RPA1: variants seen among roughly 807,000 people sequenced by gnomAD.
The protein encoded by RPA1 is replication protein A 70 kDa DNA-binding subunit.
RPA1 carries 49 observed loss-of-function variants against 83.0 expected under a neutral mutation model. That is an observed-to-expected ratio of 0.59 (90% CI 0.47 to 0.75). The LOEUF (loss-of-function observed/expected upper bound fraction) is 0.75, where lower values mean the gene tolerates loss of function less well. Among genes scored for constraint, RPA1 ranks in the 30% least tolerant of loss-of-function variants. The pLI is 0.00. For synonymous variants in RPA1, 279 were observed against 281.8 expected, an observed-to-expected ratio of 0.99 and a Z score of 0.10; for missense variants, 693 against 776.1, an observed-to-expected ratio of 0.89 and a Z score of 1.27.
intron 7 of RPA1, 130 bp downstream of exon 7, chr17:1,875,923 T>TTA: frequency 6.7e-6 from 1 of 149,274 alleles, no homozygotes. Flanking sequence ...GGGTTTACTC[T>TTA]TTTTTTTTTT....
intron 13 of RPA1, among the ~76,000 whole-genome samples, chr17:1,887,894 A>C (rs111674153): frequency 1.3e-5 from 2 of 152,204 alleles, no homozygotes; most frequent in Non-Finnish European, 2.9e-5. Context: ...CTCTGTCTCA[A>C]AAAATACATA....
intron 14 of RPA1, among the ~76,000 whole-genome samples, chr17:1,889,687 G>A (rs1422186805): frequency 2.6e-5 from 4 of 151,996 alleles, no homozygotes; most frequent in Non-Finnish European, 2.9e-5. Flanking sequence ...ATAGAACTAG[G>A]CGATAATAGC....
intron 11 of RPA1, among the ~76,000 whole-genome samples, chr17:1,880,136 T>A (rs1390494460): frequency 7.3e-6 from 1 of 136,414 alleles, no homozygotes. Context: ...GAGGAGCTCC[T>A]GGGGTTGGCG....
At chr17:1,837,740 T>C (rs1243079395) in intron 1 of RPA1, among the ~76,000 whole-genome samples, 1 of 152,224 alleles carries the variant, frequency 6.6e-6, no homozygotes, top group African/African-American at 2.4e-5. Context: ...GAAGTGTCTG[T>C]TCACATCTTT....
intron 7 of RPA1, among the ~76,000 whole-genome samples, 183 bp from the exon 8 acceptor site, chr17:1,877,029 C>G (rs979206539): frequency 2.6e-5 from 4 of 152,278 alleles, no homozygotes; most frequent in African/African-American, 9.6e-5. Flanking sequence ...GCATGTTTTA[C>G]TATTTGCTTA....
Position 1,898,384 on chromosome 17 carries a change from G to GT in RPA1, c.*1210dup. ...CAGACAGTGAGCTGGTAAGAAAACA[G>GT]TAATTATGCTAGTGGGCCTTTCAGT... On this transcript the variant is annotated 3_prime_UTR_variant, in exon 17 of 17. Coordinates refer to ENST00000254719, the MANE Select transcript of RPA1 (RefSeq NM_002945.5). 1 of 152,390 alleles carries GT rather than the reference G, an allele frequency of 6.6e-6. No homozygotes were observed. 9.4% of individuals were successfully genotyped at this position (152,390 alleles called of 1,614,324 possible).
At chr17:1,859,866 G>T (rs1912874523) in intron 5 of RPA1, among the ~76,000 whole-genome samples, 1 of 152,156 alleles carries the variant, frequency 6.6e-6, no homozygotes, top group Non-Finnish European at 1.5e-5. Flanking sequence ...AGGCTGGAGT[G>T]CAGTGGCGTG....
intron 1 of RPA1, 33 bp downstream of exon 1, chr17:1,830,159 C>A: frequency 9.4e-7 from 1 of 1,069,066 alleles, no homozygotes. Flanking sequence ...GCCGGCGGTC[C>A]GGGGTGGCTG....
At chr17:1,846,528 G>A (rs111366483) in intron 4 of RPA1, among the ~76,000 whole-genome samples, 1 of 151,834 alleles carries the variant, frequency 6.6e-6, no homozygotes, top group Non-Finnish European at 1.5e-5. Flanking sequence ...CACCATGTTA[G>A]CCAGGATGGT....
chr17:1,877,304 T>C lies in RPA1; in HGVS notation c.680T>C (p.Val227Ala), dbSNP rs570041689. 5.6e-6 allele frequency: 9 copies of C among 1,614,006 alleles called. No homozygotes were observed. Among genetic ancestry groups the C allele is most frequent in the South Asian group, 3.3e-5 (3 of 91,066 alleles). The change falls in exon 8 of 17, where the codon GTT (valine) becomes GCT (alanine). Residue 227 changes from valine (V) to alanine (A), a missense_variant. Coordinates refer to ENST00000254719, the MANE Select transcript of RPA1 (RefSeq NM_002945.5). ...GGGAAGCTTTTCTCCCTAGAACTGGTTGACGAAAGTGTGAGTGTTTGTCAT... is the reference window on the plus strand; with the variant it reads ...GGGAAGCTTTTCTCCCTAGAACTGGCTGACGAAAGTGTGAGTGTTTGTCAT... ...GEGKLFSLEL[V>A]DESGEIRATA...
intron 5 of RPA1, among the ~76,000 whole-genome samples, chr17:1,868,083 C>T (rs1913245881): frequency 6.6e-6 from 1 of 151,288 alleles, no homozygotes. Flanking sequence ...TACCCTGTCT[C>T]AAGGGGGAAA....
At chr17:1,830,517 G>A in intron 1 of RPA1, 1 of 188,112 alleles carries the variant, frequency 5.3e-6, no homozygotes, top group East Asian at 1.2e-4. Flanking sequence ...CCCTTTGATC[G>A]CTGTAGAAAA....
At chr17:1,868,235 G>A (rs1423279896) in intron 5 of RPA1, among the ~76,000 whole-genome samples, 7 of 152,280 alleles carry the variant, frequency 4.6e-5, no homozygotes, top group Middle Eastern at 3.4e-3. Context: ...CTCGAATTTC[G>A]TTGTAACCAG....
chr17:1,842,591 G>C (rs1433451812), intron 1 of RPA1, among the ~76,000 whole-genome samples: 1 of 152,198 alleles, frequency 6.6e-6, no homozygotes, highest in East Asian at 1.9e-4. Context: ...CGGTGCTAGA[G>C]ATGTGCTAAG....
intron 7 of RPA1, 94 bp from the exon 8 acceptor site, chr17:1,877,118 T>C: frequency 8.6e-7 from 1 of 1,163,302 alleles, no homozygotes; most frequent in Non-Finnish European, 1.3e-6. Flanking sequence ...AAACGGAATA[T>C]GCGTAAGACG....
At chr17:1,873,447 C>G (rs1951922054) in intron 6 of RPA1, among the ~76,000 whole-genome samples, 1 of 151,968 alleles carries the variant, frequency 6.6e-6, no homozygotes, top group Admixed American at 6.6e-5. Flanking sequence ...TTTTTTCTGT[C>G]ACGGCTTCAC....
intron 1 of RPA1, among the ~76,000 whole-genome samples, chr17:1,842,163 GT>G (rs888328843): frequency 1.3e-5 from 2 of 149,978 alleles, no homozygotes; most frequent in African/African-American, 2.4e-5. Context: ...GGTGGTCTTT[GT>G]TTTTTTTTCT....
chr17:1,875,542 T>C (rs1913540368), intron 6 of RPA1, 119 bp from the exon 7 acceptor site: 13 of 1,086,490 alleles, frequency 1.2e-5, no homozygotes, highest in Middle Eastern at 2.4e-4. Context: ...AAGCTTTGCC[T>C]CTCATGTTAT....
chr17:1,855,908 G>A (rs1912675350), intron 5 of RPA1, among the ~76,000 whole-genome samples: 1 of 151,872 alleles, frequency 6.6e-6, no homozygotes, highest in African/African-American at 2.4e-5. Flanking sequence ...TTCTTGAGTA[G>A]ACTTTGGTAG....
Sources: gnomAD v4.1 joint callset for allele counts (sites outside exome capture counted in the v4.1 genomes callset) on GRCh38, gnomAD v4.1.1 for gene constraint, MANE v1.5 for transcripts, NCBI Gene and HGNC (gene_info 2026-07-23, HGNC 2026-07-21) for gene names.